HDAC4: variants seen among roughly 807,000 people sequenced by gnomAD.
The protein encoded by HDAC4 is histone deacetylase 4.
In HDAC4, 16 loss-of-function variants were observed where a neutral mutation model predicts 135.1. The observed-to-expected ratio is 0.12, with a 90% CI of 0.08 to 0.18. HDAC4 has a LOEUF of 0.18. HDAC4 is among the 10% of genes least tolerant of loss of function. HDAC4 has a pLI of 1.00. For missense variants in HDAC4, 1,143 were observed against 1,511.8 expected (o/e 0.76, Z 4.05); for synonymous variants, 685 against 653.4 (o/e 1.05, Z -0.74).
chr2:239,125,938 G>A (rs2040154509), intron 12 of HDAC4, among the ~76,000 whole-genome samples: 1 of 152,258 alleles, frequency 6.6e-6, no homozygotes, highest in Non-Finnish European at 1.5e-5. Context: ...CCCCGGCCCT[G>A]TACGCTGCTT....
chr2:239,230,765 GTAAT>G, intron 3 of HDAC4, among the ~76,000 whole-genome samples: 1 of 152,192 alleles, frequency 6.6e-6, no homozygotes, highest in East Asian at 1.9e-4. Context: ...GTGTATGAAG[GTAAT>G]TAACAGCTTC....
chr2:239,346,984 C>T (rs1397944540), intron 2 of HDAC4, among the ~76,000 whole-genome samples: 1 of 151,566 alleles, frequency 6.6e-6, no homozygotes, highest in African/African-American at 2.4e-5. Flanking sequence ...CCCTAACACA[C>T]ACACCCTGTC....
chr2:239,084,294 T>G (rs764234418), intron 19 of HDAC4, 52 bp from the exon 20 acceptor site: 5 of 1,327,984 alleles, frequency 3.8e-6, no homozygotes, highest in Non-Finnish European at 5.3e-6. Flanking sequence ...CGGTGGCCAG[T>G]TTCTCCACGG....
rs149420354 is a variant in HDAC4, at chr2:239,108,809, A to C, written c.1979-626T>G. ...TAACCTCTGACTGTGAAAAGAGGCC[A>C]GCCATGTGCTCACCACAGCACTGAG... is the stretch of plus-strand genomic sequence containing the variant. On this transcript the variant is annotated intron_variant, in intron 14 of 26. Coordinates refer to ENST00000543185, the MANE Select transcript of HDAC4 (RefSeq NM_001378414.1). Among the ~76,000 whole-genome samples, 249 of 152,348 alleles carry C rather than the reference A, an allele frequency of 1.6e-3. 1 individual carries two copies. Among genetic ancestry groups the C allele is most frequent in the African/African-American group, 5.7e-3 (238 of 41,586 alleles).
chr2:239,111,519 G>A lies in HDAC4; in HGVS notation c.1978+7C>T, dbSNP rs747585824. On this transcript the variant is annotated splice_region_variant and intron_variant, in intron 14 of 26. Coordinates refer to ENST00000543185, the MANE Select transcript of HDAC4 (RefSeq NM_001378414.1). Reference sequence around the variant, plus strand: ...CACCCTCAGGCTGCACAAAGGCCACGTGTTACCTGTCGTGAACCTCGGCTT... The same window carrying A: ...CACCCTCAGGCTGCACAAAGGCCACATGTTACCTGTCGTGAACCTCGGCTT... The A allele has an allele frequency of 4.8e-5, 78 of 1,611,082 alleles. 1 individual carries two copies. In the Admixed American group the frequency reaches 6.5e-4, roughly 13 times the overall value.
intron 1 of HDAC4, among the ~76,000 whole-genome samples, chr2:239,392,311 T>C (rs943305514): frequency 2.0e-5 from 3 of 152,268 alleles, no homozygotes; most frequent in Non-Finnish European, 2.9e-5. Flanking sequence ...TGATGCATCC[T>C]TCTGACCTGG....
At chr2:239,166,145 C>T (rs1298605367) in intron 5 of HDAC4, among the ~76,000 whole-genome samples, 3 of 152,178 alleles carry the variant, frequency 2.0e-5, no homozygotes, top group Non-Finnish European at 4.4e-5. Flanking sequence ...TCTGTGTTCC[C>T]TACGGCAGAA....
intron 3 of HDAC4, among the ~76,000 whole-genome samples, chr2:239,231,490 C>T (rs369397504): frequency 2.3e-4 from 35 of 152,306 alleles, no homozygotes; most frequent in African/African-American, 6.5e-4. Context: ...CCAGGGCACT[C>T]GGTCACGGTG....
chr2:239,111,352 G>A (rs1167056479), intron 14 of HDAC4, among the ~76,000 whole-genome samples, 174 bp downstream of exon 14: 1 of 152,224 alleles, frequency 6.6e-6, no homozygotes, highest in African/African-American at 2.4e-5. Context: ...GTGGGGTGTA[G>A]GGCGGGGAGA....
intron 3 of HDAC4, among the ~76,000 whole-genome samples, chr2:239,228,137 G>A (rs1468544354): frequency 6.6e-6 from 1 of 152,220 alleles, no homozygotes; most frequent in East Asian, 1.9e-4. Flanking sequence ...AAGAGTGCAA[G>A]AGAACACAGA....
chr2:239,163,032 C>T (rs1329205281), intron 6 of HDAC4, among the ~76,000 whole-genome samples: 2 of 152,108 alleles, frequency 1.3e-5, no homozygotes, highest in Non-Finnish European at 2.9e-5. Flanking sequence ...GTTGCCCTTG[C>T]TCACTGTTTC....
intron 7 of HDAC4, among the ~76,000 whole-genome samples, chr2:239,150,202 G>T (rs1038797406): frequency 2.6e-5 from 4 of 151,898 alleles, no homozygotes; most frequent in African/African-American, 9.7e-5. Flanking sequence ...CAGAAACACA[G>T]GTACACACAC....
At chr2:239,201,367 T>G (rs2045744484) in intron 3 of HDAC4, among the ~76,000 whole-genome samples, 1 of 152,246 alleles carries the variant, frequency 6.6e-6, no homozygotes, top group African/African-American at 2.4e-5. Context: ...GACCCAAGCA[T>G]CCCTGAGGCC....
At chr2:239,158,265 C>T (rs1358128745) in intron 6 of HDAC4, among the ~76,000 whole-genome samples, 1 of 152,202 alleles carries the variant, frequency 6.6e-6, no homozygotes, top group Non-Finnish European at 1.5e-5. Flanking sequence ...TTCCAAACTT[C>T]TTCAACACCA....
At chr2:239,346,555 TCA>T (rs146910085) in intron 2 of HDAC4, among the ~76,000 whole-genome samples, 18,064 of 85,770 alleles carry the variant, frequency 0.21, 1,661 homozygotes, top group East Asian at 0.49. Flanking sequence ...AAACACACCT[TCA>T]CACACACACA....
chr2:239,147,190 G>T (rs1183438626), intron 7 of HDAC4, among the ~76,000 whole-genome samples: 1 of 152,234 alleles, frequency 6.6e-6, no homozygotes, highest in Non-Finnish European at 1.5e-5. Context: ...CGGGGCACAT[G>T]AAGTGGCCTT....
intron 9 of HDAC4, among the ~76,000 whole-genome samples, chr2:239,137,575 C>T (rs899182761): frequency 1.3e-5 from 2 of 152,166 alleles, no homozygotes; most frequent in African/African-American, 4.8e-5. Flanking sequence ...TTCTAGGGAC[C>T]CCAGGGTGAA....
intron 22 of HDAC4, among the ~76,000 whole-genome samples, chr2:239,079,386 C>T (rs866997668): frequency 5.9e-4 from 90 of 152,218 alleles, no homozygotes; most frequent in African/African-American, 1.9e-3. Context: ...CCCGGGCTCA[C>T]TGCCGGAGCA....
chr2:239,377,145 T>C (rs1308600738), intron 1 of HDAC4, among the ~76,000 whole-genome samples: 1 of 152,088 alleles, frequency 6.6e-6, no homozygotes, highest in Non-Finnish European at 1.5e-5. Context: ...GCTGCGCTCC[T>C]CTATGGCAGC....
Sources: allele counts gnomAD v4.1 joint callset (sites outside exome capture counted in the v4.1 genomes callset), GRCh38; gene constraint gnomAD v4.1.1; transcripts MANE v1.5; gene names NCBI Gene and HGNC (gene_info 2026-07-23, HGNC 2026-07-21).